ATXN8OS: variants seen among roughly 807,000 people sequenced by gnomAD.
The protein encoded by ATXN8OS is ATXN8 opposite strand (non-protein coding).
At chr13:70,169,775 A>C (rs1483636749) in exon 5 of ATXN8OS, among the ~76,000 whole-genome samples, 1 of 152,102 alleles carries the variant, frequency 6.6e-6, no homozygotes, top group Admixed American at 6.6e-5. Context: ...CCAAGGTTAC[A>C]ACACCTTCCA....
chr13:70,170,221 A>G (rs1357828897), exon 5 of ATXN8OS, among the ~76,000 whole-genome samples: 2 of 152,088 alleles, frequency 1.3e-5, no homozygotes, highest in Non-Finnish European at 2.9e-5. Context: ...GACCCAAATT[A>G]TGGGATCTAG....
intron 3 of ATXN8OS, chr13:70,139,179 G>A: frequency 2.4e-6 from 1 of 411,156 alleles, no homozygotes; most frequent in Non-Finnish European, 4.3e-6. Flanking sequence ...TTTTACTTCT[G>A]AGACATTCTA....
At chr13:70,151,781 G>A (rs1033586262) in intron 4 of ATXN8OS, among the ~76,000 whole-genome samples, 9 of 152,050 alleles carry the variant, frequency 5.9e-5, no homozygotes, top group Admixed American at 2.0e-4. Flanking sequence ...GAAGTCATCC[G>A]TAATAACTCC....
At chr13:70,120,855 G>A (rs28425594) in intron 2 of ATXN8OS, among the ~76,000 whole-genome samples, 1 of 151,158 alleles carries the variant, frequency 6.6e-6, no homozygotes, top group South Asian at 2.1e-4. Flanking sequence ...CTCACTCATA[G>A]GTGGGAACTG....
chr13:70,140,706 T>A (rs1459766850), intron 3 of ATXN8OS, among the ~76,000 whole-genome samples: 2 of 152,184 alleles, frequency 1.3e-5, no homozygotes, highest in Non-Finnish European at 2.9e-5. Flanking sequence ...GAACTTTCTT[T>A]GTTTTTCTAT....
intron 1 of ATXN8OS, among the ~76,000 whole-genome samples, chr13:70,114,889 A>C (rs1465728704): frequency 1.3e-5 from 2 of 152,196 alleles, no homozygotes; most frequent in East Asian, 3.9e-4. Context: ...TCCTATTTTA[A>C]AATTAACGTA....
intron 4 of ATXN8OS, among the ~76,000 whole-genome samples, chr13:70,165,022 C>G (rs964482324): frequency 6.6e-6 from 1 of 151,810 alleles, no homozygotes; most frequent in African/African-American, 2.4e-5. Context: ...AAGTATTTCC[C>G]ATGAAATCTA....
intron 3 of ATXN8OS, among the ~76,000 whole-genome samples, chr13:70,144,197 A>G (rs1888752025): frequency 6.6e-6 from 1 of 152,122 alleles, no homozygotes; most frequent in Non-Finnish European, 1.5e-5. Flanking sequence ...CCATTATCAA[A>G]ATGGCTTATC....
chr13:70,129,985 G>A, intron 3 of ATXN8OS: 1 of 395,516 alleles, frequency 2.5e-6, no homozygotes, highest in Non-Finnish European at 4.5e-6. Flanking sequence ...CTACATGTTA[G>A]TCAATTCCAG....
At chr13:70,117,148 T>C (rs907713058) in intron 2 of ATXN8OS, among the ~76,000 whole-genome samples, 4 of 152,048 alleles carry the variant, frequency 2.6e-5, no homozygotes, top group African/African-American at 7.2e-5. Context: ...TAGTCAACAA[T>C]GTTCTATTAC....
At chr13:70,135,421 C>G (rs1888598420) in intron 3 of ATXN8OS, among the ~76,000 whole-genome samples, 2 of 151,940 alleles carry the variant, frequency 1.3e-5, no homozygotes, top group Non-Finnish European at 2.9e-5. Context: ...GGCTCTCTCT[C>G]TCTCTCTCTT....
chr13:70,116,212 G>A (rs1412157714), intron 2 of ATXN8OS, among the ~76,000 whole-genome samples: 1 of 151,284 alleles, frequency 6.6e-6, no homozygotes, highest in Non-Finnish European at 1.5e-5. Context: ...TTACATTCTT[G>A]AGGTGAGAGA....
chr13:70,117,513 T>G (rs990221977), intron 2 of ATXN8OS, among the ~76,000 whole-genome samples: 45 of 152,120 alleles, frequency 3.0e-4, no homozygotes, highest in African/African-American at 1.1e-3. Context: ...ATAAAGATAT[T>G]TGCATAAAGC....
At chr13:70,109,375 A>G (rs1182486514) in intron 1 of ATXN8OS, among the ~76,000 whole-genome samples, 2 of 152,194 alleles carry the variant, frequency 1.3e-5, no homozygotes, top group African/African-American at 4.8e-5. Flanking sequence ...AACCAAGAAT[A>G]TGGTTGTTGT....
intron 4 of ATXN8OS, among the ~76,000 whole-genome samples, chr13:70,166,116 A>G (rs1889072814): frequency 6.6e-6 from 1 of 152,126 alleles, no homozygotes; most frequent in African/African-American, 2.4e-5. Flanking sequence ...ATTAAGGATC[A>G]GGATAAGATG....
chr13:70,141,869 T>G (rs902458442), intron 3 of ATXN8OS, among the ~76,000 whole-genome samples: 1 of 152,006 alleles, frequency 6.6e-6, no homozygotes, highest in Non-Finnish European at 1.5e-5. Flanking sequence ...TATATATGTA[T>G]ATGTATATAT....
intron 4 of ATXN8OS, among the ~76,000 whole-genome samples, chr13:70,152,445 GTATGTGTA>G (rs1029106523): frequency 1.3e-5 from 2 of 151,570 alleles, no homozygotes; most frequent in Admixed American, 6.6e-5. Context: ...ATATGTGTAT[GTATGTGTA>G]TATGTGTATA....
At chr13:70,145,697 A>G (rs1888774561) in intron 3 of ATXN8OS, among the ~76,000 whole-genome samples, 1 of 152,110 alleles carries the variant, frequency 6.6e-6, no homozygotes, top group South Asian at 2.1e-4. Context: ...TTGTACATTG[A>G]TTTTGTATCC....
At chr13:70,152,558 T>C (rs1319906005) in intron 4 of ATXN8OS, among the ~76,000 whole-genome samples, 1 of 152,022 alleles carries the variant, frequency 6.6e-6, no homozygotes, top group Non-Finnish European at 1.5e-5. Context: ...TATAGCACCA[T>C]TGATTTAGGG....
Sources: gnomAD v4.1 joint callset for allele counts (sites outside exome capture counted in the v4.1 genomes callset) on GRCh38, gnomAD v4.1.1 for gene constraint, MANE v1.5 for transcripts, NCBI Gene and HGNC (gene_info 2026-07-23, HGNC 2026-07-21) for gene names.